SNAP47: variants seen among roughly 807,000 people sequenced by gnomAD.
SNAP47 encodes the protein synaptosomal-associated protein 47.
SNAP47 carries 20 observed loss-of-function variants against 31.4 expected under a neutral mutation model. That is an observed-to-expected ratio of 0.64 (90% CI 0.45 to 0.93). The LOEUF is 0.93. Ranked by LOEUF, SNAP47 falls within the 40% of genes least tolerant of loss-of-function variation. The probability of loss-of-function intolerance (pLI) is 0.00; values close to 1 mark genes in which losing one functional copy is unlikely to be tolerated. For missense variants in SNAP47, 492 were observed against 528.5 expected, an observed-to-expected ratio of 0.93 and a Z score of 0.68; for synonymous variants, 194 against 213.4, an observed-to-expected ratio of 0.91 and a Z score of 0.79.
chr1:227,776,892 T>C (rs1664192371), intron 4 of SNAP47: 3 of 985,334 alleles, frequency 3.0e-6, no homozygotes, highest in Non-Finnish European at 3.6e-6. Flanking sequence ...TAGTGAGACA[T>C]TTTCAAATCA....
At chr1:227,770,823 T>C (rs1175851504) in intron 4 of SNAP47, 5 of 152,496 alleles carry the variant, frequency 3.3e-5, no homozygotes, top group Non-Finnish European at 7.3e-5. Context: ...TCACCGACCA[T>C]GTCGGGGCCA....
intron 4 of SNAP47, among the ~76,000 whole-genome samples, chr1:227,769,228 G>C (rs1663635035): frequency 6.6e-6 from 1 of 152,274 alleles, no homozygotes; most frequent in African/African-American, 2.4e-5. Flanking sequence ...GGAGGAACAG[G>C]CTTCACATTC....
At chr1:227,734,675 T>C, upstream of SNAP47, 5 of 1,614,056 alleles carry the variant, frequency 3.1e-6, no homozygotes, top group African/African-American at 4.0e-5. Flanking sequence ...GTCTTTGAGG[T>C]AGAGACAGCC....
chr1:227,772,568 G>C (rs1482494941), intron 4 of SNAP47, among the ~76,000 whole-genome samples: 1 of 152,170 alleles, frequency 6.6e-6, no homozygotes, highest in African/African-American at 2.4e-5. Context: ...GTGAGCATCT[G>C]TTTGAGGCCC....
At chr1:227,774,313 C>T (rs570551263) in intron 4 of SNAP47, among the ~76,000 whole-genome samples, 6 of 152,356 alleles carry the variant, frequency 3.9e-5, no homozygotes, top group South Asian at 2.1e-4. Flanking sequence ...GCAGGTATTA[C>T]GCAGTCTTGG....
chr1:227,758,768 G>T (rs903715428), intron 2 of SNAP47, among the ~76,000 whole-genome samples: 2 of 149,678 alleles, frequency 1.3e-5, no homozygotes, highest in African/African-American at 5.0e-5. Flanking sequence ...CTTTTTGCTG[G>T]TTGGCTTTGC....
upstream of SNAP47, chr1:227,734,308 G>A (rs111395560): frequency 9.6e-3 from 3,898 of 407,612 alleles, 117 homozygotes; most frequent in African/African-American, 0.076. Context: ...CTGAGCTCAG[G>A]AGTTCAAGAC....
chr1:227,775,236 C>T (rs1572055199), intron 4 of SNAP47, among the ~76,000 whole-genome samples: 3 of 152,346 alleles, frequency 2.0e-5, no homozygotes, highest in South Asian at 2.1e-4. Flanking sequence ...GCGGTGAGAG[C>T]CAATTTTCCC....
At chr1:227,766,200 C>G (rs1663387573) in intron 3 of SNAP47, among the ~76,000 whole-genome samples, 1 of 152,234 alleles carries the variant, frequency 6.6e-6, no homozygotes, top group Non-Finnish European at 1.5e-5. Context: ...GGCACTGCAG[C>G]TGCACTCTCC....
chr1:227,756,274 T>C (rs1326970391), intron 2 of SNAP47, among the ~76,000 whole-genome samples: 1 of 152,248 alleles, frequency 6.6e-6, no homozygotes, highest in Non-Finnish European at 1.5e-5. Flanking sequence ...GAAAGCCTAG[T>C]AAGTTGTCAC....
chr1:227,748,366 C>T, intron 2 of SNAP47, 133 bp downstream of exon 2: 1 of 1,018,892 alleles, frequency 9.8e-7, no homozygotes, highest in South Asian at 1.7e-5. Context: ...GGCTGTGCAC[C>T]TGCTGTACAT....
chr1:227,734,024 G>A (rs566269894), upstream of SNAP47: 99 of 1,613,192 alleles, frequency 6.1e-5, 2 homozygotes, highest in South Asian at 1.1e-3. Flanking sequence ...GTCCTCCACC[G>A]GAAAGTCCCT....
In SNAP47 at chr1:227,735,485, T is replaced by G; in HGVS notation, c.-60T>G. ...GCGCCGCGGTCGGCTCTGGGACTCGTCTGGCGTCCCTCAGGTGAGCGACGG... is the reference window on the plus strand; with the variant it reads ...GCGCCGCGGTCGGCTCTGGGACTCGGCTGGCGTCCCTCAGGTGAGCGACGG... On this transcript the variant is annotated 5_prime_UTR_variant, in exon 1 of 5. Transcript: ENST00000617596. 4 of 1,419,316 alleles carry G rather than the reference T, an allele frequency of 2.8e-6. No individual in the cohort carries two copies. The highest frequency in any genetic ancestry group is 3.6e-6 in the Non-Finnish European group (4 of 1,096,450). 87.9% of individuals were successfully genotyped at this position (1,419,316 alleles called of 1,614,324 possible). A position where few individuals can be genotyped will look rare whatever the true frequency, so the allele number is the denominator to read the frequency against.
chr1:227,732,713 G>A (rs930538358), upstream of SNAP47: 2 of 1,606,076 alleles, frequency 1.2e-6, no homozygotes, highest in African/African-American at 2.7e-5. Flanking sequence ...CTAACACCAT[G>A]GACACAGTCC....
intron 4 of SNAP47, among the ~76,000 whole-genome samples, chr1:227,771,567 A>T (rs1018651086): frequency 6.6e-6 from 1 of 152,078 alleles, no homozygotes; most frequent in South Asian, 2.1e-4. Context: ...TCACAGGGGA[A>T]CACCACGCCT....
intron 1 of SNAP47, among the ~76,000 whole-genome samples, chr1:227,739,276 C>G (rs1198744357): frequency 6.6e-6 from 1 of 152,226 alleles, no homozygotes; most frequent in Non-Finnish European, 1.5e-5. Context: ...TCCTCCACCT[C>G]AGCCTCCCAG....
chr1:227,776,495 G>C (rs996716225), intron 4 of SNAP47: 1 of 985,532 alleles, frequency 1.0e-6, no homozygotes, highest in East Asian at 1.1e-4. Context: ...GAAGGTTCCT[G>C]TGTGAGGCCA....
rs1173723685 is a variant in SNAP47, at chr1:227,757,882, C to A, written c.498-1113C>A. ...GGCAGTTAGCTTAGGTGCAGTGCCA[C>A]AACCATGGCAGCCATTCCTTCAAAT... On this transcript the variant is annotated intron_variant, in intron 2 of 4. Coordinates refer to ENST00000617596, the MANE Select transcript of SNAP47 (RefSeq NM_053052.4). Among the ~76,000 whole-genome samples, 3 of 152,242 alleles carry A rather than the reference C, an allele frequency of 2.0e-5. No homozygotes were observed. In the East Asian group the frequency reaches 5.8e-4, roughly 29 times the overall value.
upstream of SNAP47, chr1:227,733,980 A>C: frequency 6.2e-7 from 1 of 1,613,948 alleles, no homozygotes; most frequent in Non-Finnish European, 8.5e-7. Flanking sequence ...TCATTCAGCC[A>C]GTCGGACGAG....
Sources: allele counts gnomAD v4.1 joint callset (sites outside exome capture counted in the v4.1 genomes callset), GRCh38; gene constraint gnomAD v4.1.1; transcripts MANE v1.5; gene names NCBI Gene and HGNC (gene_info 2026-07-23, HGNC 2026-07-21).